Variants in BRPF1 observed in about 807,000 individuals in gnomAD.
BRPF1 encodes the protein peregrin.
In BRPF1, 15 loss-of-function variants were observed where a neutral mutation model predicts 115.0. The ratio of observed to expected loss-of-function variants is 0.13; its 90% CI spans 0.09 to 0.20. The LOEUF (loss-of-function observed/expected upper bound fraction) is 0.20. BRPF1 is among the 10% of genes least tolerant of loss of function. The pLI is 1.00. For missense variants in BRPF1, 1,118 were observed against 1,638.3 expected (o/e 0.68, Z 5.48); for synonymous variants, 647 against 619.8 (o/e 1.04, Z -0.65).
rs141943801 is a variant in BRPF1 at position 9,743,666 on chromosome 3, C to G, written c.2400C>G (p.Asp800Glu). The change falls in exon 8 of 14, where the codon GAC (aspartate) becomes GAG (glutamate). Residue 800 changes from aspartate (D) to glutamate (E), a missense_variant. Physicochemically the swap from Asp to Glu is conservative, Grantham distance 45 (BLOSUM62 2). Transcript: ENST00000383829. The surrounding 1 kb of genome is among the most constrained non-coding windows in gnomAD (Gnocchi z 6.1). ...TAAAGCTGCTTCTGGAGCGGCTGGA[C>G]GAAGTGAATGCCAGCAAGCAGAGTG... ...EQLKLLLERL[D>E]EVNASKQSVG... 3.7e-6 allele frequency: 6 copies of G among 1,614,000 alleles called. No homozygotes were observed. Among genetic ancestry groups the G allele is most frequent in the Non-Finnish European group, 3.4e-6 (4 of 1,180,046 alleles).
Position 9,743,138 on chromosome 3 carries a change from T to G in BRPF1, c.2196T>G (p.Gly732=). The G allele has an allele frequency of 6.2e-7, 1 of 1,614,226 alleles. No homozygotes were observed. The change falls in exon 7 of 14, where the codon GGT becomes GGG. Residue 732 remains glycine (G), a synonymous_variant. Coordinates refer to ENST00000383829, the MANE Select transcript of BRPF1 (RefSeq NM_001003694.2). The surrounding 1 kb of genome is among the most constrained non-coding windows in gnomAD (Gnocchi z 6.1). Reference sequence around the variant, plus strand: ...CAGTGCGGCTTCGTGAGCAGGGTGGTGCTGTGCTCCGCCAGGCCCGGCGCC... The same window carrying G: ...CAGTGCGGCTTCGTGAGCAGGGTGGGGCTGTGCTCCGCCAGGCCCGGCGCC... ...RAAVRLREQG[G]AVLRQARRQA... is the part of the protein sequence containing the mutation.
rs966610818 is a variant in BRPF1, at chr3:9,743,422, C to T, written c.2312-156C>T. On this transcript the variant is annotated intron_variant, in intron 7 of 13. Coordinates refer to ENST00000383829, the MANE Select transcript of BRPF1 (RefSeq NM_001003694.2). The surrounding 1 kb of genome is among the most constrained non-coding windows in gnomAD (Gnocchi z 6.1). ...GAAGCCAGACTGGGTGAATGGATAG[C>T]AGTGCCCGCCATTCCACATCTTGGT... 5.9e-6 allele frequency: 7 copies of T among 1,179,414 alleles called. No individual in the cohort carries two copies. Among genetic ancestry groups the T allele is most frequent in the Non-Finnish European group, 7.1e-6 (6 of 845,084 alleles). 73.1% of individuals were successfully genotyped at this position (1,179,414 alleles called of 1,614,324 possible).
Position 9,745,199 on chromosome 3 carries a change from C to T in BRPF1, c.3068+44C>T, listed in dbSNP as rs922081886. 2 of 1,599,066 alleles carry T rather than the reference C, an allele frequency of 1.3e-6. No individual in the cohort carries two copies. Among genetic ancestry groups the T allele is most frequent in the East Asian group, 2.2e-5 (1 of 44,598 alleles). ...GAGGCCAACCTCAGGGGATGCCCTTCCAGGGCTCTTGGGCCTGTGTAGGTT... is the reference window on the plus strand; with the variant it reads ...GAGGCCAACCTCAGGGGATGCCCTTTCAGGGCTCTTGGGCCTGTGTAGGTT... On this transcript the variant is annotated intron_variant, in intron 10 of 13. Coordinates refer to ENST00000383829, the MANE Select transcript of BRPF1 (RefSeq NM_001003694.2). This position sits in a 1 kb window ranked among gnomAD's most constrained non-coding sequence, Gnocchi z 5.1.
At chr3:9,733,586 G>C (rs2076891544) in intron 1 of BRPF1, among the ~76,000 whole-genome samples, 1 of 152,190 alleles carries the variant, frequency 6.6e-6, no homozygotes, top group Non-Finnish European at 1.5e-5. Flanking sequence ...AGTGACATTT[G>C]AGCTGGTTTT....
Position 9,745,263 on chromosome 3 carries a change from A to G in BRPF1, c.3068+108A>G. 1 of 1,348,652 alleles carries G rather than the reference A, an allele frequency of 7.4e-7. No individual in the cohort carries two copies. 83.5% of individuals were successfully genotyped at this position (1,348,652 alleles called of 1,614,324 possible). A position where few individuals can be genotyped will look rare whatever the true frequency, so the allele number is the denominator to read the frequency against. On this transcript the variant is annotated intron_variant, in intron 10 of 13. Transcript: ENST00000383829. The surrounding 1 kb of genome is among the most constrained non-coding windows in gnomAD (Gnocchi z 5.1). The stretch of plus-strand genomic sequence containing the variant: ...TGGGGTGGCAGCCATCTCAGTCTAG[A>G]TTAAGATGGCTCAAACTCAAGGTTC...
chr3:9,746,502 T>G (rs1189856184), intron 13 of BRPF1, 48 bp downstream of exon 13: 1 of 1,485,694 alleles, frequency 6.7e-7, no homozygotes, highest in Non-Finnish European at 9.0e-7. Flanking sequence ...GATGCAGCCC[T>G]GTGTGGTATG....
In BRPF1 at chr3:9,743,311, C is replaced by T. The variant is rs765056655; in HGVS notation, c.2311+58C>T. 6 of 1,553,192 alleles carry T rather than the reference C, an allele frequency of 3.9e-6. No homozygotes were observed. The highest frequency in any genetic ancestry group is 3.5e-6 in the Non-Finnish European group (4 of 1,147,180). On this transcript the variant is annotated intron_variant, in intron 7 of 13. Transcript: ENST00000383829. This position sits in a 1 kb window ranked among gnomAD's most constrained non-coding sequence, Gnocchi z 6.1. The stretch of plus-strand genomic sequence containing the variant: ...CCAATGCCGGGGATGGACAGCTTTC[C>T]AAAAGTCCCCTCCTGGGAGCAGGCA...
chr3:9,734,674 G>C lies in BRPF1; in HGVS notation c.534G>C (p.Glu178Asp). Residue 178 changes from glutamate to aspartate, a missense_variant, in exon 2 of 14, where the codon GAG becomes GAC. Transcript: ENST00000383829. The surrounding 1 kb of genome is among the most constrained non-coding windows in gnomAD (Gnocchi z 5.7). Reference protein sequence around the residue: ...VSASTTPKLPEVVYRELEQDT... With the variant: ...VSASTTPKLPDVVYRELEQDT... The stretch of plus-strand genomic sequence containing the variant: ...CGAGCACCACTCCCAAGCTGCCAGA[G>C]GTGGTCTATCGGGAGCTGGAACAGG... The C allele has an allele frequency of 6.2e-7, 1 of 1,614,158 alleles. No individual in the cohort carries two copies. Among genetic ancestry groups the C allele is most frequent in the Non-Finnish European group, 8.5e-7 (1 of 1,180,028 alleles).
intron 9 of BRPF1, among the ~76,000 whole-genome samples, chr3:9,744,807 T>C (rs1450492833): frequency 6.6e-6 from 1 of 152,168 alleles, no homozygotes; most frequent in Non-Finnish European, 1.5e-5. Flanking sequence ...AGCCAGTAAC[T>C]GCCGAGGGAA....
At chr3:9,732,662 G>A (rs1441779476) in intron 1 of BRPF1, 1 of 152,260 alleles carries the variant, frequency 6.6e-6, no homozygotes, top group Non-Finnish European at 1.5e-5. Context: ...GCTTCGGTTG[G>A]TTTATGTTTA....
Position 9,739,877 on chromosome 3 carries a change from A to C in BRPF1, c.1478A>C (p.Lys493Thr). 1 of 1,583,964 alleles carries C rather than the reference A, an allele frequency of 6.3e-7. No individual in the cohort carries two copies. Among genetic ancestry groups the C allele is most frequent in the Non-Finnish European group, 8.6e-7 (1 of 1,165,064 alleles). Residue 493 changes from lysine to threonine, a missense_variant, in exon 3 of 14, where the codon AAA becomes ACA. By Grantham distance (78) the Lys-to-Thr change is moderately conservative (BLOSUM62 -1). Transcript: ENST00000383829. ...VKKAKAKSRI[K>T]MKKARKILAE... ...AAGGCCAAGGCCAAGTCCCGGATCA[A>C]AATGAAGAAGGCACGGAAGATCCTG...
chr3:9,744,885 G>A (rs1381735645), intron 9 of BRPF1, 123 bp from the exon 10 acceptor site: 13 of 1,356,166 alleles, frequency 9.6e-6, no homozygotes, highest in African/African-American at 1.4e-5. Flanking sequence ...TGCTGGCCAA[G>A]GTTGGAGGAA....
chr3:9,741,250 CT>C (rs2077024290), intron 4 of BRPF1, 57 bp from the exon 5 acceptor site: 1 of 1,520,306 alleles, frequency 6.6e-7, no homozygotes, highest in Non-Finnish European at 8.8e-7. Context: ...TCTCTTCTCC[CT>C]GTTGACCTTT....
chr3:9,734,485 C>A lies in BRPF1; in HGVS notation c.345C>A (p.Asn115Lys), dbSNP rs776217834. 1.2e-6 allele frequency: 2 copies of A among 1,614,116 alleles called. No homozygotes were observed. Among genetic ancestry groups the A allele is most frequent in the South Asian group, 2.2e-5 (2 of 91,078 alleles). The change falls in exon 2 of 14, where the codon AAC (asparagine) becomes AAA (lysine). Residue 115 changes from asparagine to lysine, a missense_variant. Around this residue, in one of 10 missense-constraint regions of BRPF1, gnomAD observed 280 missense variants for 382.8 expected, o/e 0.73. Coordinates refer to ENST00000383829, the MANE Select transcript of BRPF1 (RefSeq NM_001003694.2). This position sits in a 1 kb window ranked among gnomAD's most constrained non-coding sequence, Gnocchi z 5.7. ...TCCACCGCATCAGCATCTTTGACAA[C>A]CTGGATGTGGTGTCAGAGGATGAGG... ...GRVHRISIFD[N>K]LDVVSEDEEA...
Position 9,740,843 on chromosome 3 carries a change from A to G in BRPF1, c.1624A>G (p.Ser542Gly). ...GAGCCAGTTCATGCAGAGGCTGCACAGCTACTGGACACTGAAGCGGCAGTC... is the reference window on the plus strand; with the variant it reads ...GAGCCAGTTCATGCAGAGGCTGCACGGCTACTGGACACTGAAGCGGCAGTC... Reference protein sequence around the residue: ...RKSQFMQRLHSYWTLKRQSRN... With the variant: ...RKSQFMQRLHGYWTLKRQSRN... The change falls in exon 4 of 14, where the codon AGC becomes GGC. Residue 542 changes from serine (S) to glycine (G), a missense_variant. Coordinates refer to ENST00000383829, the MANE Select transcript of BRPF1 (RefSeq NM_001003694.2). 6.2e-7 allele frequency: 1 copy of G among 1,614,190 alleles called. No individual in the cohort carries two copies. Among genetic ancestry groups the G allele is most frequent in the Non-Finnish European group, 8.5e-7 (1 of 1,180,036 alleles).
chr3:9,745,187 G>A lies in BRPF1; in HGVS notation c.3068+32G>A. 2 of 1,606,264 alleles carry A rather than the reference G, an allele frequency of 1.2e-6. No homozygotes were observed. The highest frequency in any genetic ancestry group is 2.2e-5 in the South Asian group (2 of 90,304). On this transcript the variant is annotated intron_variant, in intron 10 of 13. Coordinates refer to ENST00000383829, the MANE Select transcript of BRPF1 (RefSeq NM_001003694.2). This position sits in a 1 kb window ranked among gnomAD's most constrained non-coding sequence, Gnocchi z 5.1. ...GCCCTCCAGATCGAGGCCAACCTCA[G>A]GGGATGCCCTTCCAGGGCTCTTGGG... is the stretch of plus-strand genomic sequence containing the variant.
In BRPF1 at chr3:9,743,380, C is replaced by A; in HGVS notation, c.2311+127C>A. Reference sequence around the variant, plus strand: ...TAGGCTGAGCAGTGGCAAGCTATCCCCAGGAATGCTCCCCAAGAAGCCAGA... The same window carrying A: ...TAGGCTGAGCAGTGGCAAGCTATCCACAGGAATGCTCCCCAAGAAGCCAGA... On this transcript the variant is annotated intron_variant, in intron 7 of 13. Transcript: ENST00000383829. This position sits in a 1 kb window ranked among gnomAD's most constrained non-coding sequence, Gnocchi z 6.1. 7.5e-7 allele frequency: 1 copy of A among 1,332,390 alleles called. No homozygotes were observed. The highest frequency in any genetic ancestry group is 1.0e-6 in the Non-Finnish European group (1 of 984,578). 82.5% of individuals were successfully genotyped at this position (1,332,390 alleles called of 1,614,324 possible).
chr3:9,747,244 C>T lies in BRPF1; in HGVS notation c.3558C>T (p.Arg1186=). ...ACAAGGAGAAGATGCTGGAGGGCCG[C>T]AAGTCCAACATCCGCAAGTCAGTAC... ...DLDKEKMLEG[R]KSNIRKSVQI... Residue 1186 remains arginine (R), a synonymous_variant, in exon 14 of 14, where the codon CGC becomes CGT. Coordinates refer to ENST00000383829, the MANE Select transcript of BRPF1 (RefSeq NM_001003694.2). This position sits in a 1 kb window ranked among gnomAD's most constrained non-coding sequence, Gnocchi z 5.6. 1 of 1,614,188 alleles carries T rather than the reference C, an allele frequency of 6.2e-7. No homozygotes were observed. Among genetic ancestry groups the T allele is most frequent in the Non-Finnish European group, 8.5e-7 (1 of 1,180,046 alleles).
chr3:9,740,983 A>AG, intron 4 of BRPF1, 42 bp downstream of exon 4: 5 of 1,575,904 alleles, frequency 3.2e-6, no homozygotes, highest in Non-Finnish European at 3.4e-6. Context: ...AACTAGCGCC[A>AG]GGGGGACGAA....
Sources: gnomAD v4.1 joint callset for allele counts (sites outside exome capture counted in the v4.1 genomes callset) on GRCh38, gnomAD v4.1.1 for gene constraint, gnomAD v4.1.1 regional missense constraint, Gnocchi (gnomAD v3.1) non-coding constraint, MANE v1.5 for transcripts, NCBI Gene and HGNC (gene_info 2026-07-23, HGNC 2026-07-21) for gene names.